ST18: variants seen among roughly 807,000 people sequenced by gnomAD.
ST18 encodes suppression of tumorigenicity 18 protein.
In ST18, 50 loss-of-function variants were observed where a neutral mutation model predicts 110.0. The observed-to-expected ratio is 0.45, with a 90% CI of 0.36 to 0.58. The LOEUF (loss-of-function observed/expected upper bound fraction) is 0.58. ST18 is among the 20% of genes least tolerant of loss of function. The probability of loss-of-function intolerance (pLI) is 0.00; values close to 1 mark genes in which losing one functional copy is unlikely to be tolerated. For missense variants in ST18, 1,306 were observed against 1,280.1 expected (o/e 1.02, Z -0.31); for synonymous variants, 461 against 452.4 (o/e 1.02, Z -0.24).
In ST18 at chr8:52,241,626, T is replaced by C. The variant is rs192047595; in HGVS notation, c.-464-11549A>G. ...TGGTGTGGCTAATATTCATTGTCTATACTTCTGATACTTTTAGGCTTGTAA... is the reference window on the plus strand; with the variant it reads ...TGGTGTGGCTAATATTCATTGTCTACACTTCTGATACTTTTAGGCTTGTAA... On this transcript the variant is annotated intron_variant, in intron 2 of 25. Coordinates refer to ENST00000689386, the MANE Select transcript of ST18 (RefSeq NM_001352837.2). Among the ~76,000 whole-genome samples the C allele has an allele frequency of 3.8e-4, 58 of 152,370 alleles. No homozygotes were observed. In the Middle Eastern group the frequency reaches 0.01, roughly 27 times the overall value.
At chr8:52,175,856 A>G (rs890736834) in intron 9 of ST18, among the ~76,000 whole-genome samples, 2 of 151,064 alleles carry the variant, frequency 1.3e-5, no homozygotes, top group African/African-American at 2.4e-5. Context: ...GAAACATACT[A>G]CTCCAGGTCC....
chr8:52,254,539 A>AT (rs1363403987), intron 2 of ST18, among the ~76,000 whole-genome samples: 41 of 152,202 alleles, frequency 2.7e-4, no homozygotes, highest in African/African-American at 9.6e-4. Context: ...TTGCTGTGGC[A>AT]TATGTCCTTC....
At chr8:52,213,164 G>GA (rs2082823864) in intron 7 of ST18, among the ~76,000 whole-genome samples, 2 of 152,054 alleles carry the variant, frequency 1.3e-5, no homozygotes, top group African/African-American at 4.8e-5. Flanking sequence ...TGTTTAGGTA[G>GA]AAAAAATCTA....
intron 8 of ST18, among the ~76,000 whole-genome samples, chr8:52,211,066 G>C (rs2081996803): frequency 6.6e-6 from 1 of 152,186 alleles, no homozygotes; most frequent in Non-Finnish European, 1.5e-5. Flanking sequence ...GGACTTCCTA[G>C]GTTGTCAATA....
chr8:52,159,977 T>C (rs1278370226), intron 14 of ST18, among the ~76,000 whole-genome samples: 1 of 152,092 alleles, frequency 6.6e-6, no homozygotes, highest in African/African-American at 2.4e-5. Flanking sequence ...TTTTTTTATT[T>C]TAAATATTTG....
At position 52,172,499 on chromosome 8, in the gene ST18, C is replaced by A; in HGVS notation, c.362G>T (p.Cys121Phe). 1.9e-6 allele frequency: 3 copies of A among 1,613,734 alleles called. No individual in the cohort carries two copies. Among genetic ancestry groups the A allele is most frequent in the Non-Finnish European group, 2.5e-6 (3 of 1,179,994 alleles). The change falls in exon 10 of 26, where the codon TGT (cysteine) becomes TTT (phenylalanine). Residue 121 changes from cysteine to phenylalanine, a missense_variant. Transcript: ENST00000689386. ...AGACTTGACCATGAGCTCTTGATAA[C>A]AAGAGTATCTGTCTTCCTTCCTACT... ...NSSRKEDRYS[C>F]YQELMVKSLM...
intron 19 of ST18, among the ~76,000 whole-genome samples, chr8:52,135,375 A>G (rs1470790537): frequency 6.6e-6 from 1 of 152,052 alleles, no homozygotes; most frequent in Non-Finnish European, 1.5e-5. Context: ...AGCCTGGCCA[A>G]CATGGTGAAA....
At chr8:52,315,280 G>A in intron 2 of ST18, among the ~76,000 whole-genome samples, 1 of 152,106 alleles carries the variant, frequency 6.6e-6, no homozygotes, top group East Asian at 1.9e-4. Context: ...AATAGAAGAG[G>A]CTATTTATTA....
At chr8:52,222,482 AG>A (rs1320774515) in intron 3 of ST18, among the ~76,000 whole-genome samples, 1 of 152,224 alleles carries the variant, frequency 6.6e-6, no homozygotes, top group Non-Finnish European at 1.5e-5. Context: ...AAGAGAGTGA[AG>A]GCAGCACAGC....
At chr8:52,360,201 T>A (rs952513281) in intron 2 of ST18, among the ~76,000 whole-genome samples, 1 of 152,146 alleles carries the variant, frequency 6.6e-6, no homozygotes, top group Non-Finnish European at 1.5e-5. Context: ...CAGCATATTG[T>A]ACTCATACCT....
intron 3 of ST18, among the ~76,000 whole-genome samples, chr8:52,227,211 C>A (rs1285238850): frequency 6.6e-6 from 1 of 152,070 alleles, no homozygotes; most frequent in African/African-American, 2.4e-5. Context: ...GTATTTTTCT[C>A]CTAAGAATGT....
chr8:52,238,258 C>T (rs1459077785), intron 2 of ST18, among the ~76,000 whole-genome samples: 1 of 151,940 alleles, frequency 6.6e-6, no homozygotes, highest in Non-Finnish European at 1.5e-5. Context: ...AGAAATTGTA[C>T]ACAAATATTC....
At chr8:52,354,966 A>C (rs867984664) in intron 2 of ST18, among the ~76,000 whole-genome samples, 1 of 152,238 alleles carries the variant, frequency 6.6e-6, no homozygotes, top group African/African-American at 2.4e-5. Flanking sequence ...TGCATTGAGA[A>C]TTACACCTTC....
At chr8:52,182,770 C>G (rs543673568) in intron 8 of ST18, among the ~76,000 whole-genome samples, 22 of 152,112 alleles carry the variant, frequency 1.4e-4, no homozygotes, top group Non-Finnish European at 2.6e-4. Context: ...AAAATGAGCT[C>G]TCATGCTGCA....
intron 2 of ST18, among the ~76,000 whole-genome samples, chr8:52,353,836 A>C (rs1035144058): frequency 7.9e-5 from 12 of 152,212 alleles, no homozygotes; most frequent in African/African-American, 2.9e-4. Context: ...TGCTGTACTT[A>C]AGACTCCCGG....
chr8:52,387,699 A>G (rs770882758), intron 2 of ST18, among the ~76,000 whole-genome samples: 2 of 152,114 alleles, frequency 1.3e-5, no homozygotes, highest in Non-Finnish European at 2.9e-5. Flanking sequence ...TACGTTCATA[A>G]CAGTTACCAT....
chr8:52,190,777 A>G (rs1002472824), intron 8 of ST18, among the ~76,000 whole-genome samples: 1 of 152,174 alleles, frequency 6.6e-6, no homozygotes, highest in South Asian at 2.1e-4. Flanking sequence ...TGTTGATGAT[A>G]CCATGCTAAG....
intron 2 of ST18, among the ~76,000 whole-genome samples, chr8:52,358,996 T>C (rs1824434689): frequency 6.6e-6 from 1 of 151,930 alleles, no homozygotes; most frequent in Non-Finnish European, 1.5e-5. Context: ...CCAAATTTAT[T>C]TAATAACATC....
intron 2 of ST18, among the ~76,000 whole-genome samples, chr8:52,338,740 CTCTT>C (rs1813404392): frequency 6.6e-6 from 1 of 151,500 alleles, no homozygotes; most frequent in East Asian, 1.9e-4. Context: ...TTTTCTGTTT[CTCTT>C]TCTTTTTTTT....
Sources: gnomAD v4.1 joint callset for allele counts (sites outside exome capture counted in the v4.1 genomes callset) on GRCh38, gnomAD v4.1.1 for gene constraint, MANE v1.5 for transcripts, NCBI Gene and HGNC (gene_info 2026-07-23, HGNC 2026-07-21) for gene names.